The following FHAD1 variants were observed in gnomAD, a reference collection of about 807,000 sequenced individuals.
FHAD1 encodes forkhead associated phosphopeptide binding domain 1.
FHAD1 carries 146 observed loss-of-function variants against 191.3 expected under a neutral mutation model. The observed-to-expected ratio is 0.76, with a 90% CI of 0.67 to 0.88. FHAD1 has a LOEUF of 0.88. Ranked by LOEUF, FHAD1 falls within the 40% of genes least tolerant of loss-of-function variation. FHAD1 has a pLI of 0.00. For synonymous variants in FHAD1, 616 were observed against 672.3 expected (o/e 0.92, Z 1.29); for missense variants, 1,635 against 1,785.8 (o/e 0.92, Z 1.52).
chr1:15,392,840 C>T (rs1704555199), intron 33 of FHAD1, among the ~76,000 whole-genome samples: 1 of 152,052 alleles, frequency 6.6e-6, no homozygotes, highest in Admixed American at 6.6e-5. Context: ...GGGCTATATG[C>T]TATAAAGGAA....
intron 33 of FHAD1, among the ~76,000 whole-genome samples, chr1:15,393,473 T>G (rs942202729): frequency 8.0e-5 from 12 of 149,598 alleles, no homozygotes; most frequent in African/African-American, 3.0e-4. Context: ...TGTAAAAGGG[T>G]GAGGGGCTGG....
Position 15,265,970 on chromosome 1 carries a change from CAA to C in FHAD1, c.94-6335_94-6334del, listed in dbSNP as rs531702447. ...TGGGTGACAGAGCAAGACTCCATCT[CAA>C]AAAAAAAAAAAAAAAAAGAGAGAGA... On this transcript the variant is annotated intron_variant, in intron 2 of 33. Transcript: ENST00000688493. Among the ~76,000 whole-genome samples the C allele has an allele frequency of 5.0e-3, 391 of 78,674 alleles. 1 individual carries two copies. Among genetic ancestry groups the C allele is most frequent in the African/African-American group, 0.019 (361 of 18,800 alleles). The allele number at this position is 78,674 out of a possible 152,430, so 51.6% of individuals were successfully genotyped here.
rs561120682 is a variant in FHAD1, at chr1:15,287,443, A to T, written c.301-1956A>T. The stretch of plus-strand genomic sequence containing the variant: ...AACTTACAATCATGGCAGAAGGGGA[A>T]GCAAACGTGTCCTTCCTCACATGGC... On this transcript the variant is annotated intron_variant, in intron 3 of 33. Transcript: ENST00000688493. 9.2e-5 allele frequency among the ~76,000 whole-genome samples: 14 copies of T among 152,306 alleles called. No individual in the cohort carries two copies. The East Asian group carries it at 2.7e-3, about 29-fold the overall frequency.
At chr1:15,236,565 G>A (rs1644813159) in exon 1 of FHAD1, among the ~76,000 whole-genome samples, 1 of 152,132 alleles carries the variant, frequency 6.6e-6, no homozygotes, top group Admixed American at 6.5e-5. Context: ...GAGAATCTTA[G>A]GAAAAAATTC....
At chr1:15,401,542 T>C (rs555462238), downstream of FHAD1, among the ~76,000 whole-genome samples, 1 of 152,210 alleles carries the variant, frequency 6.6e-6, no homozygotes, top group Non-Finnish European at 1.5e-5. Context: ...ACTTTGCAGA[T>C]AAGGTGCCCT....
chr1:15,238,713 T>A (rs1245164748), intron 1 of FHAD1, among the ~76,000 whole-genome samples: 1 of 152,140 alleles, frequency 6.6e-6, no homozygotes, highest in Admixed American at 6.5e-5. Context: ...ATAGGATAAA[T>A]CAACTACCCC....
At position 15,381,898 on chromosome 1, in the gene FHAD1, C is replaced by T; in HGVS notation, c.4023-130C>T. On this transcript the variant is annotated intron_variant, in intron 30 of 33. Transcript: ENST00000688493. The surrounding 1 kb of genome is among the most constrained non-coding windows in gnomAD (Gnocchi z 4.6). ...GTACCCCAAATCTTCGTCATGCTCT[C>T]CTGCTTGTGATGACACTCCTGAGTG... 1.0e-6 allele frequency: 1 copy of T among 987,858 alleles called. No individual in the cohort carries two copies. Among genetic ancestry groups the T allele is most frequent in the Non-Finnish European group, 1.5e-6 (1 of 669,070 alleles). 61.2% of individuals were successfully genotyped at this position (987,858 alleles called of 1,614,324 possible). A position where few individuals can be genotyped will look rare whatever the true frequency, so the allele number is the denominator to read the frequency against.
At chr1:15,285,271 C>T (rs989965100) in intron 3 of FHAD1, among the ~76,000 whole-genome samples, 1 of 152,212 alleles carries the variant, frequency 6.6e-6, no homozygotes, top group East Asian at 1.9e-4. Flanking sequence ...GTGGCTCATG[C>T]CTGTAATCCC....
chr1:15,397,555 T>G lies in FHAD1; in HGVS notation c.*142T>G, dbSNP rs953159962. On this transcript the variant is annotated 3_prime_UTR_variant, in exon 34 of 34. Transcript: ENST00000688493. The stretch of plus-strand genomic sequence containing the variant: ...GTGTTTCATTTCCTAGACCAGTATT[T>G]TGAACAATATTATATTTTGGAGACT... 5 of 453,472 alleles carry G rather than the reference T, an allele frequency of 1.1e-5. No homozygotes were observed. The highest frequency in any genetic ancestry group is 7.6e-5 in the Admixed American group (2 of 26,440). 28.1% of individuals were successfully genotyped at this position (453,472 alleles called of 1,614,324 possible).
chr1:15,284,216 C>T (rs1050812494), intron 3 of FHAD1, among the ~76,000 whole-genome samples: 2 of 152,246 alleles, frequency 1.3e-5, no homozygotes, highest in African/African-American at 2.4e-5. Context: ...CACAGCGGCT[C>T]ACGCCGGTAA....
rs769287042 is a variant in FHAD1 at position 15,272,334 on chromosome 1, C to T, written c.105C>T (p.Ile35=). 8.4e-6 allele frequency: 13 copies of T among 1,549,850 alleles called. No individual in the cohort carries two copies. The highest frequency in any genetic ancestry group is 2.4e-5 in the East Asian group (1 of 40,882). ...NSDLVLQSPD[I]DNHHALIEYN... ...CTTCTCCGTTGCAGTCTCCTGACAT[C>T]GACAACCACCATGCACTCATTGAAT... is the stretch of plus-strand genomic sequence containing the variant. The change falls in exon 3 of 34, where the codon ATC becomes ATT. Residue 35 remains isoleucine (I), a synonymous_variant. Transcript: ENST00000688493.
chr1:15,285,917 G>A (rs79429104), intron 3 of FHAD1, among the ~76,000 whole-genome samples: 2,499 of 152,306 alleles, frequency 0.016, 75 homozygotes, highest in African/African-American at 0.057. Context: ...TGAATCCTAA[G>A]GACATTGTGC....
chr1:15,358,495 C>G (rs1469496640), intron 21 of FHAD1, among the ~76,000 whole-genome samples: 2 of 152,240 alleles, frequency 1.3e-5, no homozygotes, highest in Non-Finnish European at 1.5e-5. Context: ...GGAGCCCTCT[C>G]CCCACAGTCG....
At chr1:15,302,586 G>A (rs1669161416) in intron 6 of FHAD1, among the ~76,000 whole-genome samples, 1 of 152,134 alleles carries the variant, frequency 6.6e-6, no homozygotes, top group Non-Finnish European at 1.5e-5. Flanking sequence ...TTAGCCAGGT[G>A]TGGTGGCGGG....
intron 6 of FHAD1, among the ~76,000 whole-genome samples, chr1:15,303,848 C>CA (rs765601462): frequency 0.18 from 18,303 of 104,112 alleles, 2,279 homozygotes; most frequent in African/African-American, 0.4. Context: ...GACTCTGTCT[C>CA]AAAAAAAAAA....
At position 15,289,942 on chromosome 1, in the gene FHAD1, CTGTG is replaced by C. The variant is rs1271366303; in HGVS notation, c.568+284_568+287del. Among the ~76,000 whole-genome samples, 1 of 152,106 alleles carries C rather than the reference CTGTG, an allele frequency of 6.6e-6. No individual in the cohort carries two copies. Among genetic ancestry groups the C allele is most frequent in the Non-Finnish European group, 1.5e-5 (1 of 68,018 alleles). Reference sequence around the variant, plus strand: ...AGGGCACCTGCAGTGGGTGTGGCCTCTGTGTGTGTGTACATATGAGTGTGTCATG... The same window carrying C: ...AGGGCACCTGCAGTGGGTGTGGCCTCTGTGTGTACATATGAGTGTGTCATG... On this transcript the variant is annotated intron_variant, in intron 4 of 33. Coordinates refer to ENST00000688493, the MANE Select transcript of FHAD1 (RefSeq NM_001391957.1). This position sits in a 1 kb window ranked among gnomAD's most constrained non-coding sequence, Gnocchi z 4.2.
intron 1 of FHAD1, among the ~76,000 whole-genome samples, chr1:15,238,732 T>A (rs910811334): frequency 6.6e-6 from 1 of 152,122 alleles, no homozygotes; most frequent in East Asian, 1.9e-4. Flanking sequence ...CCAGACCACG[T>A]CCAATCAAAG....
chr1:15,284,405 T>G (rs1420685930), intron 3 of FHAD1, among the ~76,000 whole-genome samples: 2 of 145,394 alleles, frequency 1.4e-5, no homozygotes, highest in African/African-American at 5.1e-5. Context: ...CATGAACCCG[T>G]GAGGCGGAGC....
chr1:15,388,160 AC>A (rs1245178396), intron 32 of FHAD1, 29 bp downstream of exon 32: 1 of 1,254,664 alleles, frequency 8.0e-7, no homozygotes, highest in Non-Finnish European at 1.0e-6. Context: ...TGTTGCAGAC[AC>A]AGAGTAGAGA....
Sources: gnomAD v4.1 joint callset for allele counts (sites outside exome capture counted in the v4.1 genomes callset) on GRCh38, gnomAD v4.1.1 for gene constraint, Gnocchi (gnomAD v3.1) non-coding constraint, MANE v1.5 for transcripts, NCBI Gene and HGNC (gene_info 2026-07-23, HGNC 2026-07-21) for gene names.